The following FOXK2 variants were observed in gnomAD, a reference collection of about 807,000 sequenced individuals.
FOXK2 encodes forkhead box K2, also known as forkhead box protein K2.
In FOXK2, 24 loss-of-function variants were observed where a neutral mutation model predicts 53.3. That is an observed-to-expected ratio of 0.45 (90% confidence interval 0.33 to 0.63). The LOEUF is 0.63. Ranked by LOEUF, FOXK2 falls within the 30% of genes least tolerant of loss-of-function variation. FOXK2 has a pLI of 0.03. For synonymous variants in FOXK2, 505 were observed against 407.1 expected, an observed-to-expected ratio of 1.24 and a Z score of -2.89; for missense variants, 952 against 910.5, an observed-to-expected ratio of 1.05 and a Z score of -0.59.
chr17:82,525,244 A>G (rs1230528713), intron 1 of FOXK2, among the ~76,000 whole-genome samples: 1 of 151,974 alleles, frequency 6.6e-6, no homozygotes, highest in Admixed American at 6.6e-5. Context: ...GTCTCAGCTC[A>G]CTGCAGCCTC....
chr17:82,539,416 G>A (rs750522835), intron 1 of FOXK2, among the ~76,000 whole-genome samples: 2 of 152,176 alleles, frequency 1.3e-5, no homozygotes, highest in African/African-American at 2.4e-5. Context: ...GGAAGCTGAT[G>A]CGGGAGGATC....
chr17:82,545,256 C>T (rs2044613849), intron 1 of FOXK2, among the ~76,000 whole-genome samples: 2 of 152,190 alleles, frequency 1.3e-5, no homozygotes, highest in African/African-American at 4.8e-5. Context: ...GCCAGGGCCT[C>T]CCACTCCTCA....
chr17:82,540,723 T>C (rs926587620), intron 1 of FOXK2, among the ~76,000 whole-genome samples: 1 of 152,166 alleles, frequency 6.6e-6, no homozygotes, highest in Admixed American at 6.6e-5. Flanking sequence ...CAGTGCCATC[T>C]AGGGAGGGAG....
intron 7 of FOXK2, among the ~76,000 whole-genome samples, chr17:82,586,855 T>G (rs1020077788): frequency 6.6e-6 from 1 of 152,026 alleles, no homozygotes; most frequent in South Asian, 2.1e-4. Context: ...GAGCTGAGAT[T>G]GCGCCATTGG....
chr17:82,576,898 G>A (rs2044993600), intron 4 of FOXK2: 2 of 444,292 alleles, frequency 4.5e-6, no homozygotes, highest in East Asian at 8.7e-5. Context: ...GGTGGCTCAC[G>A]CCTGTAATCC....
chr17:82,587,576 G>GCC, intron 8 of FOXK2: 1 of 423,820 alleles, frequency 2.4e-6, no homozygotes, highest in Non-Finnish European at 4.4e-6. Flanking sequence ...AACGGCGGGA[G>GCC]CCGCCGCGTG....
intron 8 of FOXK2, chr17:82,595,648 G>T (rs2045302084): frequency 4.6e-5 from 28 of 611,204 alleles, no homozygotes; most frequent in Non-Finnish European, 6.3e-5. Flanking sequence ...TATACATGTG[G>T]TCACGGTTTT....
At chr17:82,535,184 C>T (rs1279860488) in intron 1 of FOXK2, among the ~76,000 whole-genome samples, 6 of 152,118 alleles carry the variant, frequency 3.9e-5, no homozygotes, top group Non-Finnish European at 7.4e-5. Flanking sequence ...CCGGCCTTGG[C>T]CTTCGTGATT....
chr17:82,587,179 C>A lies in FOXK2; in HGVS notation c.1693C>A (p.Leu565Ile). ...QTVTIVQQAP[L>I]GQHQLPIKTV... ...GGTGACCATAGTACAACAGGCACCTCTAGGTCAACACCAGCTACCAATAAA... is the reference window on the plus strand; with the variant it reads ...GGTGACCATAGTACAACAGGCACCTATAGGTCAACACCAGCTACCAATAAA... The change falls in exon 8 of 9, where the codon CTA becomes ATA. Residue 565 changes from leucine to isoleucine, a missense_variant. By Grantham distance (5) the Leu-to-Ile change is conservative (BLOSUM62 2). Transcript: ENST00000335255. The A allele has an allele frequency of 6.2e-7, 1 of 1,613,094 alleles. No individual in the cohort carries two copies. Among genetic ancestry groups the A allele is most frequent in the South Asian group, 1.1e-5 (1 of 91,084 alleles).
intron 1 of FOXK2, among the ~76,000 whole-genome samples, chr17:82,533,631 C>T (rs1015779124): frequency 3.9e-5 from 6 of 152,154 alleles, no homozygotes; most frequent in African/African-American, 9.7e-5. Context: ...CCAGCATCAC[C>T]CCAGACTCAT....
chr17:82,578,503 A>ACC (rs2045017652), intron 4 of FOXK2: 1 of 152,230 alleles, frequency 6.6e-6, no homozygotes, highest in South Asian at 2.1e-4. Context: ...GTAGCAACAG[A>ACC]ATGAAGGAAC....
At chr17:82,601,038 C>T (rs2045376686) in intron 8 of FOXK2, 1 of 435,352 alleles carries the variant, frequency 2.3e-6, no homozygotes, top group African/African-American at 2.0e-5. Context: ...ATAAAAATGT[C>T]CGCTAATCAG....
At chr17:82,521,130 A>G (rs1567961148) in intron 1 of FOXK2, among the ~76,000 whole-genome samples, 1 of 152,158 alleles carries the variant, frequency 6.6e-6, no homozygotes. Context: ...GCTCACTTCT[A>G]GATCATTGCA....
At chr17:82,552,889 G>C (rs74541776) in intron 1 of FOXK2, among the ~76,000 whole-genome samples, 3,391 of 152,268 alleles carry the variant, frequency 0.022, 55 homozygotes, top group Middle Eastern at 0.048. Context: ...TGCTCTGTAG[G>C]TCACCCCGTT....
chr17:82,535,176 G>A (rs993980286), intron 1 of FOXK2, among the ~76,000 whole-genome samples: 3 of 152,178 alleles, frequency 2.0e-5, no homozygotes, highest in Non-Finnish European at 2.9e-5. Context: ...CACCGTGCCC[G>A]GCCTTGGCCT....
chr17:82,541,295 C>CA (rs2044572275), intron 1 of FOXK2, among the ~76,000 whole-genome samples: 1 of 148,160 alleles, frequency 6.7e-6, no homozygotes, highest in African/African-American at 2.5e-5. Flanking sequence ...TTTTTTCAGT[C>CA]AGAGTTGTGC....
chr17:82,535,449 G>A (rs1421735002), intron 1 of FOXK2, among the ~76,000 whole-genome samples: 1 of 152,116 alleles, frequency 6.6e-6, no homozygotes, highest in Non-Finnish European at 1.5e-5. Flanking sequence ...TCCATGGTTG[G>A]TTGGTGAGCT....
In FOXK2 at chr17:82,601,420, A is replaced by G. The variant is rs777691772; in HGVS notation, c.1904A>G (p.Glu635Gly). 1.2e-6 allele frequency: 2 copies of G among 1,612,882 alleles called. No homozygotes were observed. Among genetic ancestry groups the G allele is most frequent in the Admixed American group, 3.3e-5 (2 of 60,010 alleles). ...CCGGAGCTGAAGCGGATCAAGACAG[A>G]AGACGGCGAGGGCATCGTCATTGCC... ...EQPELKRIKT[E>G]DGEGIVIALS... The change falls in exon 9 of 9, where the codon GAA (glutamate) becomes GGA (glycine). Residue 635 changes from glutamate (E) to glycine (G), a missense_variant. Transcript: ENST00000335255.
rs2045144944 is a variant in FOXK2 at position 82,586,212 on chromosome 17, G to C, written c.1576+12G>C. 10 of 1,288,506 alleles carry C rather than the reference G, an allele frequency of 7.8e-6. No homozygotes were observed. The highest frequency in any genetic ancestry group is 1.0e-5 in the Non-Finnish European group (10 of 970,716). 79.8% of individuals were successfully genotyped at this position (1,288,506 alleles called of 1,614,324 possible). ...CAGGGAAGTCAAAGGTAGGCGGAGG[G>C]GAAAGGAGGAGAGGGGAGACCACAG... On this transcript the variant is annotated intron_variant, in intron 7 of 8. Coordinates refer to ENST00000335255, the MANE Select transcript of FOXK2 (RefSeq NM_004514.4).
Sources: allele counts gnomAD v4.1 joint callset (sites outside exome capture counted in the v4.1 genomes callset), GRCh38; gene constraint gnomAD v4.1.1; transcripts MANE v1.5; gene names NCBI Gene and HGNC (gene_info 2026-07-23, HGNC 2026-07-21).